EML5: variants seen among roughly 807,000 people sequenced by gnomAD.
EML5 encodes the protein echinoderm microtubule-associated protein-like 5.
In EML5, 120 loss-of-function variants were observed where a neutral mutation model predicts 250.0. That is an observed-to-expected ratio of 0.48 (90% CI 0.41 to 0.56). EML5 has a LOEUF of 0.56. EML5 is among the 20% of genes least tolerant of loss of function. The pLI, the probability that EML5 is intolerant of heterozygous loss-of-function variation, is 0.00. For synonymous variants in EML5, 771 were observed against 806.5 expected, an observed-to-expected ratio of 0.96 and a Z score of 0.75; for missense variants, 2,006 against 2,437.6, an observed-to-expected ratio of 0.82 and a Z score of 3.73.
chr14:88,763,670 T>A (rs2094281194), intron 1 of EML5, among the ~76,000 whole-genome samples: 1 of 152,134 alleles, frequency 6.6e-6, no homozygotes, highest in African/African-American at 2.4e-5. Context: ...GCCGGCATCA[T>A]CCTGATACCA....
chr14:88,754,470 C>A (rs774394248), intron 2 of EML5, 42 bp downstream of exon 2: 2 of 1,515,142 alleles, frequency 1.3e-6, no homozygotes, highest in Non-Finnish European at 1.8e-6. Context: ...TATAATATAC[C>A]TTAACATACA....
intron 1 of EML5, among the ~76,000 whole-genome samples, chr14:88,770,334 C>T (rs1268254225): frequency 6.6e-6 from 1 of 151,958 alleles, no homozygotes; most frequent in Non-Finnish European, 1.5e-5. Context: ...TGTTCTATTT[C>T]CTATGCTTTT....
At chr14:88,658,467 TTAA>T (rs2091952002) in intron 25 of EML5, 79 bp from the exon 26 acceptor site, 2 of 1,145,096 alleles carry the variant, frequency 1.7e-6, no homozygotes, top group Non-Finnish European at 2.4e-6. Flanking sequence ...TTGAATTTTA[TTAA>T]TAATTAAAAA....
At chr14:88,641,187 A>G (rs1420886503) in intron 31 of EML5, among the ~76,000 whole-genome samples, 1 of 152,154 alleles carries the variant, frequency 6.6e-6, no homozygotes, top group Non-Finnish European at 1.5e-5. Flanking sequence ...ACATACAAAG[A>G]AAAGCTGGTG....
intron 1 of EML5, among the ~76,000 whole-genome samples, chr14:88,775,319 C>A (rs1035372952): frequency 7.2e-5 from 11 of 152,112 alleles, no homozygotes; most frequent in African/African-American, 2.7e-4. Flanking sequence ...TCTTTGGGTC[C>A]CCAATTCCAG....
At chr14:88,704,357 A>C (rs148994998) in intron 13 of EML5, among the ~76,000 whole-genome samples, 2,335 of 152,302 alleles carry the variant, frequency 0.015, 25 homozygotes, top group Non-Finnish European at 0.024. Flanking sequence ...CCAGAAGCTG[A>C]GCAGATGCTG....
At chr14:88,791,310 CA>C (rs1408871384) in intron 1 of EML5, among the ~76,000 whole-genome samples, 1 of 152,136 alleles carries the variant, frequency 6.6e-6, no homozygotes, top group African/African-American at 2.4e-5. Flanking sequence ...ATTTTGTAAC[CA>C]AACCCAAATC....
At chr14:88,754,281 T>C (rs952716268) in intron 2 of EML5, among the ~76,000 whole-genome samples, 5 of 152,142 alleles carry the variant, frequency 3.3e-5, no homozygotes, top group Non-Finnish European at 5.9e-5. Flanking sequence ...TTCCACTGAA[T>C]CAAAATCACT....
chr14:88,751,922 A>T (rs1298370607), intron 2 of EML5, among the ~76,000 whole-genome samples: 1 of 152,182 alleles, frequency 6.6e-6, no homozygotes, highest in African/African-American at 2.4e-5. Context: ...AGCACATCAA[A>T]TATTTAAATA....
chr14:88,765,341 T>C (rs2094306773), intron 1 of EML5, among the ~76,000 whole-genome samples: 1 of 152,136 alleles, frequency 6.6e-6, no homozygotes. Context: ...TTCAATTCCT[T>C]GTGGTAAAGG....
intron 21 of EML5, among the ~76,000 whole-genome samples, chr14:88,677,540 T>A (rs1044501173): frequency 2.0e-5 from 3 of 152,228 alleles, no homozygotes; most frequent in African/African-American, 7.2e-5. Context: ...AGAAAATTTT[T>A]TGCAATCTGT....
chr14:88,738,257 ATATT>A (rs2093874880), intron 6 of EML5, among the ~76,000 whole-genome samples: 1 of 152,160 alleles, frequency 6.6e-6, no homozygotes, highest in Non-Finnish European at 1.5e-5. Flanking sequence ...CCTAAATAAT[ATATT>A]TATTCTTATT....
At chr14:88,648,349 A>G (rs2091454004) in intron 28 of EML5, among the ~76,000 whole-genome samples, 1 of 152,070 alleles carries the variant, frequency 6.6e-6, no homozygotes, top group Non-Finnish European at 1.5e-5. Flanking sequence ...AGATTCCCAG[A>G]ATAATAATTA....
chr14:88,619,445 T>A (rs2088436736), intron 39 of EML5: 1 of 152,272 alleles, frequency 6.6e-6, no homozygotes, highest in Non-Finnish European at 1.5e-5. Flanking sequence ...CCTCAAGCAA[T>A]CCTTCCCCCT....
At chr14:88,786,431 G>A (rs1427202785) in intron 1 of EML5, among the ~76,000 whole-genome samples, 1 of 152,204 alleles carries the variant, frequency 6.6e-6, no homozygotes, top group Non-Finnish European at 1.5e-5. Flanking sequence ...GATAAGAATA[G>A]TCTTTGGCAA....
intron 7 of EML5, among the ~76,000 whole-genome samples, chr14:88,732,106 T>C (rs1439086067): frequency 1.3e-5 from 2 of 152,210 alleles, no homozygotes; most frequent in Non-Finnish European, 2.9e-5. Flanking sequence ...TTTGTTGCCA[T>C]TGCTTTTGGT....
At chr14:88,671,940 C>T (rs1044316792) in intron 21 of EML5, among the ~76,000 whole-genome samples, 34 of 152,114 alleles carry the variant, frequency 2.2e-4, no homozygotes, top group African/African-American at 8.2e-4. Flanking sequence ...ACTTAAACTC[C>T]CACATAATAA....
intron 8 of EML5, among the ~76,000 whole-genome samples, chr14:88,723,610 T>C (rs2093622756): frequency 6.6e-6 from 1 of 152,164 alleles, no homozygotes; most frequent in Admixed American, 6.6e-5. Context: ...TCTCACCCCC[T>C]AAAGTGGTTA....
intron 4 of EML5, among the ~76,000 whole-genome samples, chr14:88,742,897 T>C (rs894372238): frequency 3.3e-5 from 5 of 152,130 alleles, no homozygotes; most frequent in African/African-American, 1.2e-4. Flanking sequence ...AAATAAAGAA[T>C]GTGAACACAG....
Sources: gnomAD v4.1 joint callset for allele counts (sites outside exome capture counted in the v4.1 genomes callset) on GRCh38, gnomAD v4.1.1 for gene constraint, MANE v1.5 for transcripts, NCBI Gene and HGNC (gene_info 2026-07-23, HGNC 2026-07-21) for gene names.